The following SSBP3 variants were observed in gnomAD, a reference collection of about 807,000 sequenced individuals.
SSBP3 encodes single-stranded DNA-binding protein 3.
Under a neutral mutation model 69.6 loss-of-function variants are expected in SSBP3, and 5 were observed. That is an observed-to-expected ratio of 0.07 (90% CI 0.04 to 0.15). SSBP3 has a LOEUF of 0.15. SSBP3 is among the 10% of genes least tolerant of loss of function. The probability of loss-of-function intolerance (pLI) is 1.00; values close to 1 mark genes in which losing one functional copy is unlikely to be tolerated. For synonymous variants in SSBP3, 196 were observed against 193.4 expected (o/e 1.01, Z -0.11); for missense variants, 312 against 534.0 (o/e 0.58, Z 4.10).
At chr1:54,301,074 C>T (rs1645792472) in intron 4 of SSBP3, among the ~76,000 whole-genome samples, 1 of 152,164 alleles carries the variant, frequency 6.6e-6, no homozygotes, top group African/African-American at 2.4e-5. Flanking sequence ...TTTCCCCCTT[C>T]AACAACCCTG....
chr1:54,397,547 G>C (rs1473532039), intron 4 of SSBP3, among the ~76,000 whole-genome samples: 1 of 152,154 alleles, frequency 6.6e-6, no homozygotes, highest in Non-Finnish European at 1.5e-5. Context: ...GGAGAGCAGA[G>C]TCTTGCTGGA....
At chr1:54,363,474 C>T (rs112698085) in intron 4 of SSBP3, among the ~76,000 whole-genome samples, 2 of 152,168 alleles carry the variant, frequency 1.3e-5, no homozygotes, top group East Asian at 1.9e-4. Flanking sequence ...GATGCCACAT[C>T]GGACAGTTAT....
At chr1:54,381,018 CAG>C (rs150081519) in intron 4 of SSBP3, among the ~76,000 whole-genome samples, 1,757 of 151,774 alleles carry the variant, frequency 0.012, 36 homozygotes, top group African/African-American at 0.041. Context: ...TCCAGCTACT[CAG>C]AGGCTGAAGC....
chr1:54,391,312 T>TA (rs1191416282), intron 4 of SSBP3, among the ~76,000 whole-genome samples: 1 of 152,206 alleles, frequency 6.6e-6, no homozygotes, highest in Non-Finnish European at 1.5e-5. Context: ...CCAGACAACT[T>TA]ACCCAAGGCC....
At chr1:54,251,331 GC>G in intron 9 of SSBP3, among the ~76,000 whole-genome samples, 1 of 152,268 alleles carries the variant, frequency 6.6e-6, no homozygotes, top group East Asian at 1.9e-4. Flanking sequence ...ATAGGCTACC[GC>G]ACCCCAAAAG....
chr1:54,399,358 A>G (rs1290987425), intron 4 of SSBP3, among the ~76,000 whole-genome samples: 2 of 152,218 alleles, frequency 1.3e-5, no homozygotes, highest in Non-Finnish European at 2.9e-5. Context: ...TCTAACTACC[A>G]CTTCCCAGCT....
At chr1:54,284,528 C>G (rs1025640476) in intron 4 of SSBP3, among the ~76,000 whole-genome samples, 1 of 151,878 alleles carries the variant, frequency 6.6e-6, no homozygotes, top group Admixed American at 6.6e-5. Context: ...AGTGCAGTGG[C>G]CCGATCATTG....
chr1:54,235,735 A>C (rs1644480757), intron 14 of SSBP3, among the ~76,000 whole-genome samples: 1 of 152,124 alleles, frequency 6.6e-6, no homozygotes, highest in African/African-American at 2.4e-5. Context: ...GGCATGAGCC[A>C]CCGTGCCCGG....
chr1:54,240,081 T>TGCGCGCGC (rs1195248735), intron 13 of SSBP3, among the ~76,000 whole-genome samples: 18 of 29,428 alleles, frequency 6.1e-4, no homozygotes, highest in Middle Eastern at 0.025. Flanking sequence ...TGTGTGTGTG[T>TGCGCGCGC]GTGTGTGCGC....
chr1:54,325,087 T>C (rs1298583388), intron 4 of SSBP3, among the ~76,000 whole-genome samples: 3 of 151,922 alleles, frequency 2.0e-5, no homozygotes, highest in South Asian at 2.1e-4. Flanking sequence ...ACTAAGAGAG[T>C]AGAGCCAAAA....
At chr1:54,404,967 A>T (rs777874276) in intron 1 of SSBP3, 37 bp from the exon 2 acceptor site, 1 of 1,581,826 alleles carries the variant, frequency 6.3e-7, no homozygotes, top group Admixed American at 1.7e-5. Flanking sequence ...AGAGAGGGAA[A>T]GGCGTCAGAT....
intron 14 of SSBP3, chr1:54,236,387 C>T (rs1644495432): frequency 6.6e-6 from 1 of 152,152 alleles, no homozygotes; most frequent in African/African-American, 2.4e-5. Flanking sequence ...TCCTAAAGTG[C>T]TGGGATTACA....
intron 12 of SSBP3, among the ~76,000 whole-genome samples, 191 bp from the exon 13 acceptor site, chr1:54,241,150 T>C (rs1320717317): frequency 6.6e-6 from 1 of 152,160 alleles, no homozygotes; most frequent in Admixed American, 6.5e-5. Flanking sequence ...CCTGTCCCTT[T>C]CTTCAGACCA....
At chr1:54,251,649 G>A in exon 9 of SSBP3, 1 of 1,552,500 alleles carries the variant, frequency 6.4e-7, no homozygotes, top group South Asian at 1.2e-5. Flanking sequence ...CCATGCCTCG[G>A]GGAGGGTTCA....
At chr1:54,332,951 C>T (rs1646444892) in intron 4 of SSBP3, among the ~76,000 whole-genome samples, 1 of 152,154 alleles carries the variant, frequency 6.6e-6, no homozygotes, top group Non-Finnish European at 1.5e-5. Flanking sequence ...CACACGCGTG[C>T]GCCTCCTCCC....
rs572484068 is a variant in SSBP3 at position 54,228,665 on chromosome 1, C to T, written c.1006+83G>A. ...AGCCAAGGCCGGCCAGGGCTCTGTA[C>T]CAAGCCCAGCTGAGCCAGGAGCTGA... On this transcript the variant is annotated intron_variant, in intron 15 of 17. Transcript: ENST00000610401. 30 of 1,518,344 alleles carry T rather than the reference C, an allele frequency of 2.0e-5. No homozygotes were observed. In the East Asian group the frequency reaches 7.4e-4, roughly 37 times the overall value. 94.1% of individuals were successfully genotyped at this position (1,518,344 alleles called of 1,614,324 possible).
At chr1:54,340,632 G>A (rs1283836046) in intron 4 of SSBP3, among the ~76,000 whole-genome samples, 3 of 152,206 alleles carry the variant, frequency 2.0e-5, no homozygotes, top group African/African-American at 7.2e-5. Flanking sequence ...ATCACCCTCG[G>A]TACCTTTCCA....
At chr1:54,342,666 G>A (rs1646629184) in intron 4 of SSBP3, among the ~76,000 whole-genome samples, 1 of 152,242 alleles carries the variant, frequency 6.6e-6, no homozygotes, top group Admixed American at 6.5e-5. Flanking sequence ...CTGCTGCTCA[G>A]CCTCTTAGCA....
chr1:54,373,639 T>C (rs1041757259), intron 4 of SSBP3, among the ~76,000 whole-genome samples: 10 of 152,000 alleles, frequency 6.6e-5, no homozygotes, highest in African/African-American at 2.2e-4. Flanking sequence ...TGGCGGCGCA[T>C]GCCTGTAGTC....
Sources: gnomAD v4.1 joint callset for allele counts (sites outside exome capture counted in the v4.1 genomes callset) on GRCh38, gnomAD v4.1.1 for gene constraint, MANE v1.5 for transcripts, NCBI Gene and HGNC (gene_info 2026-07-23, HGNC 2026-07-21) for gene names.